The following C7 variants were observed in gnomAD, a reference collection of about 807,000 sequenced individuals.
C7 encodes complement C7.
In C7, 83 loss-of-function variants were observed where a neutral mutation model predicts 104.8. The observed-to-expected ratio is 0.79, with a 90% CI of 0.66 to 0.95. The LOEUF (loss-of-function observed/expected upper bound fraction) is 0.95, where lower values mean the gene tolerates loss of function less well. Among genes scored for constraint, C7 ranks in the 40% least tolerant of loss-of-function variants. The probability of loss-of-function intolerance (pLI) is 0.00; values close to 1 mark genes in which losing one functional copy is unlikely to be tolerated. For synonymous variants in C7, 415 were observed against 360.6 expected, an observed-to-expected ratio of 1.15 and a Z score of -1.71; for missense variants, 1,070 against 1,011.2, an observed-to-expected ratio of 1.06 and a Z score of -0.79.
chr5:40,950,079 A>C, intron 9 of C7, 65 bp downstream of exon 9: 2 of 912,018 alleles, frequency 2.2e-6, no homozygotes, highest in Admixed American at 2.4e-5. Flanking sequence ...TTTAAGTTCA[A>C]GGGTACGCGT....
chr5:40,965,465 G>T (rs1312191233), intron 14 of C7, among the ~76,000 whole-genome samples: 1 of 151,900 alleles, frequency 6.6e-6, no homozygotes, highest in African/African-American at 2.4e-5. Flanking sequence ...CTGAGTAATT[G>T]GGTATTCATA....
intron 1 of C7, among the ~76,000 whole-genome samples, chr5:40,914,521 G>A (rs1739277863): frequency 6.6e-6 from 1 of 152,116 alleles, no homozygotes; most frequent in East Asian, 1.9e-4. Flanking sequence ...TGAGGCCTTA[G>A]TTATGAATTC....
intron 8 of C7, among the ~76,000 whole-genome samples, chr5:40,948,956 C>T (rs1173711630): frequency 6.6e-6 from 1 of 151,734 alleles, no homozygotes; most frequent in Non-Finnish European, 1.5e-5. Context: ...TAAAATTTAA[C>T]TAGAACTTGA....
At chr5:40,928,678 A>G (rs750716855) in intron 2 of C7, 43 bp downstream of exon 2, 5 of 1,277,334 alleles carry the variant, frequency 3.9e-6, no homozygotes, top group Non-Finnish European at 5.5e-6. Flanking sequence ...TTAAATTTAA[A>G]AAATGTTTTA....
Position 40,983,811 on chromosome 5 carries a change from G to A in C7, c.*2238G>A, listed in dbSNP as rs1240609856. On this transcript the variant is annotated 3_prime_UTR_variant, in exon 18 of 18. Transcript: ENST00000313164. ...AATAAATGGAAAAAGAATAAAGACT[G>A]TGAGAATTCCATCTTCCTGCCCTTT... Among the ~76,000 whole-genome samples, 2 of 152,222 alleles carry A rather than the reference G, an allele frequency of 1.3e-5. No individual in the cohort carries two copies. The highest frequency in any genetic ancestry group is 1.3e-4 in the Admixed American group (2 of 15,270).
intron 16 of C7, among the ~76,000 whole-genome samples, chr5:40,978,465 T>G (rs909155709): frequency 1.3e-5 from 2 of 152,200 alleles, no homozygotes; most frequent in African/African-American, 4.8e-5. Flanking sequence ...TGGTATACAT[T>G]TCCATGTCAT....
chr5:40,927,434 G>T (rs1739577883), intron 1 of C7, among the ~76,000 whole-genome samples: 1 of 152,098 alleles, frequency 6.6e-6, no homozygotes, highest in East Asian at 1.9e-4. Flanking sequence ...TGGCAAAGGA[G>T]ACAATGATCA....
At chr5:40,926,665 A>T (rs1196465001) in intron 1 of C7, among the ~76,000 whole-genome samples, 1 of 152,236 alleles carries the variant, frequency 6.6e-6, no homozygotes, top group Admixed American at 6.5e-5. Flanking sequence ...ATTTTCAATA[A>T]CTACAAAAAT....
chr5:40,941,152 C>T (rs1016129035), intron 6 of C7, among the ~76,000 whole-genome samples: 1 of 150,652 alleles, frequency 6.6e-6, no homozygotes, highest in Non-Finnish European at 1.5e-5. Context: ...CAACCTCTGC[C>T]TCCTGTGTTC....
At chr5:40,980,044 A>G (rs1740909511) in intron 17 of C7, 135 bp downstream of exon 17, 1 of 708,174 alleles carries the variant, frequency 1.4e-6, no homozygotes, top group South Asian at 2.7e-5. Context: ...CTGATTTGAC[A>G]TGCACTGACC....
chr5:40,909,978 T>A, intron 1 of C7, among the ~76,000 whole-genome samples: 1 of 151,228 alleles, frequency 6.6e-6, no homozygotes, highest in East Asian at 1.9e-4. Context: ...TGGTGTATTT[T>A]TTTTTTTTTT....
chr5:40,948,317 T>C (rs1339726201), intron 8 of C7, among the ~76,000 whole-genome samples: 2 of 152,186 alleles, frequency 1.3e-5, no homozygotes, highest in Non-Finnish European at 2.9e-5. Context: ...ATAGCTTAAA[T>C]TGATGGGATA....
At chr5:40,949,734 A>AT (rs1310397774) in intron 8 of C7, among the ~76,000 whole-genome samples, 170 bp from the exon 9 acceptor site, 2 of 152,010 alleles carry the variant, frequency 1.3e-5, no homozygotes, top group South Asian at 2.1e-4. Context: ...ACAAAAGTCA[A>AT]TTTTTTCTGA....
intron 4 of C7, among the ~76,000 whole-genome samples, chr5:40,935,110 C>A (rs1739785310): frequency 6.6e-6 from 1 of 152,148 alleles, no homozygotes; most frequent in Non-Finnish European, 1.5e-5. Context: ...GTTAGAAGTG[C>A]TCCTCAGTGA....
chr5:40,933,414 A>G (rs1279648827), intron 3 of C7, among the ~76,000 whole-genome samples: 2 of 152,222 alleles, frequency 1.3e-5, no homozygotes, highest in African/African-American at 4.8e-5. Flanking sequence ...GAAGATGCTC[A>G]CTGATTGCCA....
In C7 at chr5:40,945,311, T is replaced by C; in HGVS notation, c.681T>C (p.Ser227=). The change falls in exon 7 of 18, where the codon TCT becomes TCC. Residue 227 remains serine (S), a synonymous_variant. Transcript: ENST00000313164. ...GTCGGAAGCGCTCCTTTTTTAGATC[T>C]TCATCATCTTCTTCACGCAGTTATA... The part of the protein sequence containing the change: ...SSSRKRSFFR[S]SSSSSRSYTS... 1 of 1,609,572 alleles carries C rather than the reference T, an allele frequency of 6.2e-7. No homozygotes were observed. Among genetic ancestry groups the C allele is most frequent in the Non-Finnish European group, 8.5e-7 (1 of 1,178,156 alleles).
At chr5:40,913,507 T>C (rs1019381852) in intron 1 of C7, among the ~76,000 whole-genome samples, 15 of 152,070 alleles carry the variant, frequency 9.9e-5, no homozygotes, top group African/African-American at 3.6e-4. Context: ...TTGACATTTT[T>C]AAAGAGAGAT....
At chr5:40,909,704 G>T in intron 1 of C7, 88 bp downstream of exon 1, 1 of 921,726 alleles carries the variant, frequency 1.1e-6, no homozygotes, top group Non-Finnish European at 1.6e-6. Flanking sequence ...ACGAAGAGGT[G>T]TAATACCTAA....
chr5:40,972,422 T>C lies in C7; in HGVS notation c.1902T>C (p.Pro634=). ...CTTTAGAAATTGCCTGTGTTCTACCTGTACTGATGGATGGCATACAGAGTC... is the reference window on the plus strand; with the variant it reads ...CTTTAGAAATTGCCTGTGTTCTACCCGTACTGATGGATGGCATACAGAGTC... ...MHCQKIACVL[P]VLMDGIQSHP... The change falls in exon 15 of 18, where the codon CCT becomes CCC. Residue 634 remains proline, a synonymous_variant. Transcript: ENST00000313164. The C allele has an allele frequency of 2.5e-6, 4 of 1,613,858 alleles. No individual in the cohort carries two copies. Among genetic ancestry groups the C allele is most frequent in the African/African-American group, 2.7e-5 (2 of 75,050 alleles).
Sources: allele counts gnomAD v4.1 joint callset (sites outside exome capture counted in the v4.1 genomes callset), GRCh38; gene constraint gnomAD v4.1.1; transcripts MANE v1.5; gene names NCBI Gene and HGNC (gene_info 2026-07-23, HGNC 2026-07-21).